Variants in PCDHA1 observed in about 807,000 individuals in gnomAD.
The protein encoded by PCDHA1 is protocadherin alpha 1.
Under a neutral mutation model 61.3 loss-of-function variants are expected in PCDHA1, and 42 were observed. The observed-to-expected ratio is 0.69, with a 90% CI of 0.54 to 0.89. The LOEUF is 0.89. Ranked by LOEUF, PCDHA1 falls within the 40% of genes least tolerant of loss-of-function variation. The pLI, the probability that PCDHA1 is intolerant of heterozygous loss-of-function variation, is 0.00. For synonymous variants in PCDHA1, 610 were observed against 553.8 expected, an observed-to-expected ratio of 1.10 and a Z score of -1.43; for missense variants, 1,256 against 1,235.3, an observed-to-expected ratio of 1.02 and a Z score of -0.25.
intron 1 of PCDHA1, chr5:140,876,072 GGA>G: frequency 1.2e-6 from 2 of 1,613,902 alleles, no homozygotes; most frequent in Non-Finnish European, 8.5e-7. Flanking sequence ...GGAAGTTATT[GGA>G]CAGAGAGCAA....
chr5:140,846,373 C>CTTTTTTTTTTTTTTTTTTT (rs374699051), intron 1 of PCDHA1, among the ~76,000 whole-genome samples: 1 of 55,152 alleles, frequency 1.8e-5, no homozygotes, highest in Admixed American at 2.3e-4. Flanking sequence ...TTCTTTCTTT[C>CTTTTTTTTTTTTTTTTTTT]TTTTTTTTTT....
At chr5:140,788,756 T>C in intron 1 of PCDHA1, 72 bp downstream of exon 1, 3 of 1,465,730 alleles carry the variant, frequency 2.0e-6, no homozygotes, top group Middle Eastern at 1.9e-4. Context: ...TTTTCAAATA[T>C]CACTTTAAAA....
chr5:140,927,637 G>A lies in PCDHA1; in HGVS notation c.2395-51312G>A, dbSNP rs1554204838. Reference sequence around the variant, plus strand: ...CAAGGTTCCAGAGACTGCACCCAATGGGACTGTGTTATTCCGAGTTCAAGC... The same window carrying A: ...CAAGGTTCCAGAGACTGCACCCAATAGGACTGTGTTATTCCGAGTTCAAGC... On this transcript the variant is annotated intron_variant, in intron 1 of 3. Coordinates refer to ENST00000504120, the MANE Select transcript of PCDHA1 (RefSeq NM_018900.4). 3.7e-6 allele frequency: 6 copies of A among 1,614,176 alleles called. 1 individual carries two copies. In the Middle Eastern group the frequency reaches 9.9e-4, roughly 266 times the overall value.
At chr5:140,906,966 G>A (rs1401949243) in intron 1 of PCDHA1, among the ~76,000 whole-genome samples, 5 of 152,120 alleles carry the variant, frequency 3.3e-5, no homozygotes, top group African/African-American at 1.2e-4. Context: ...TGGAATCGTG[G>A]TTGTGTCTTC....
chr5:140,903,840 T>C (rs2070655374), intron 1 of PCDHA1, among the ~76,000 whole-genome samples: 1 of 152,196 alleles, frequency 6.6e-6, no homozygotes, highest in African/African-American at 2.4e-5. Flanking sequence ...GGTATTTTCA[T>C]TTATCTTAAC....
At chr5:140,887,524 G>A (rs2061480235) in intron 1 of PCDHA1, among the ~76,000 whole-genome samples, 2 of 152,090 alleles carry the variant, frequency 1.3e-5, no homozygotes, top group African/African-American at 4.8e-5. Flanking sequence ...TTATATATGA[G>A]TCTTCCTCTC....
At chr5:140,852,033 A>C in intron 1 of PCDHA1, 2 of 934,104 alleles carry the variant, frequency 2.1e-6, no homozygotes, top group Non-Finnish European at 2.6e-6. Context: ...TCGCTTATTG[A>C]GTTTTTGTTA....
chr5:140,833,779 T>C (rs1330843349), intron 1 of PCDHA1, among the ~76,000 whole-genome samples: 1 of 152,042 alleles, frequency 6.6e-6, no homozygotes, highest in Non-Finnish European at 1.5e-5. Flanking sequence ...GCTTTCTAAG[T>C]TTCTCTTTCA....
rs782782656 is a variant in PCDHA1 at position 140,788,156 on chromosome 5, C to T, written c.1866C>T (p.Phe622=). Residue 622 remains phenylalanine, a synonymous_variant, in exon 1 of 4, where the codon TTC becomes TTT. Transcript: ENST00000504120. Reference sequence around the variant, plus strand: ...CAGCAGGCGGCGCGCGCATCCCGTTCCGCGTGGGGCTGTACACGGGCGAGA... The same window carrying T: ...CAGCAGGCGGCGCGCGCATCCCGTTTCGCGTGGGGCTGTACACGGGCGAGA... ...QPAAGGARIP[F]RVGLYTGEIS... The T allele has an allele frequency of 1.4e-5, 23 of 1,613,896 alleles. No individual in the cohort carries two copies. The East Asian group carries it at 3.8e-4, about 27-fold the overall frequency.
intron 1 of PCDHA1, chr5:140,862,954 T>C (rs781926222): frequency 1.5e-5 from 8 of 542,620 alleles, no homozygotes; most frequent in Non-Finnish European, 2.2e-5. Flanking sequence ...TGGTGCGGTA[T>C]TCAGTGGATG....
intron 1 of PCDHA1, among the ~76,000 whole-genome samples, chr5:140,904,268 A>G (rs989389819): frequency 1.3e-5 from 2 of 152,004 alleles, no homozygotes; most frequent in African/African-American, 4.8e-5. Context: ...CCACTTATGA[A>G]TGAGAACATG....
At chr5:141,007,299 T>C (rs550659664) in intron 3 of PCDHA1, among the ~76,000 whole-genome samples, 9 of 151,686 alleles carry the variant, frequency 5.9e-5, no homozygotes, top group African/African-American at 2.2e-4. Context: ...GCCTGTAATC[T>C]TAGCATTTTG....
intron 1 of PCDHA1, chr5:140,795,115 G>A (rs1210282107): frequency 1.9e-6 from 3 of 1,614,060 alleles, no homozygotes; most frequent in African/African-American, 2.7e-5. Context: ...CATCGCGCAG[G>A]ACCTGGGGCT....
chr5:140,820,743 G>A (rs1177782714), intron 1 of PCDHA1, among the ~76,000 whole-genome samples: 1 of 152,002 alleles, frequency 6.6e-6, no homozygotes, highest in Admixed American at 6.6e-5. Context: ...TTGTGAAATA[G>A]TATGTCATAT....
intron 1 of PCDHA1, among the ~76,000 whole-genome samples, chr5:140,855,428 G>A (rs1039152755): frequency 4.7e-5 from 7 of 149,940 alleles, no homozygotes; most frequent in African/African-American, 1.7e-4. Context: ...AAATTCTAGT[G>A]ATGACTAGAT....
In PCDHA1 at chr5:140,850,658, G is replaced by T. The variant is rs2150492440; in HGVS notation, c.2394+61974G>T. On this transcript the variant is annotated intron_variant, in intron 1 of 3. Transcript: ENST00000504120. The stretch of plus-strand genomic sequence containing the variant: ...TCACGCTGCTGCTGTACACTGTGCT[G>T]CGGTGCTCGGCGATGCCCACCGAGG... 24 of 1,598,502 alleles carry T rather than the reference G, an allele frequency of 1.5e-5. 1 individual carries two copies. Among genetic ancestry groups the T allele is most frequent in the African/African-American group, 5.4e-5 (4 of 74,388 alleles).
chr5:140,988,524 T>C (rs1338675660), intron 3 of PCDHA1, among the ~76,000 whole-genome samples: 2 of 152,212 alleles, frequency 1.3e-5, no homozygotes, highest in East Asian at 3.8e-4. Context: ...AAGTCTCTGC[T>C]GGCTCCATCC....
chr5:140,921,267 A>G (rs1371688460), intron 1 of PCDHA1, among the ~76,000 whole-genome samples: 2 of 152,168 alleles, frequency 1.3e-5, no homozygotes, highest in Non-Finnish European at 2.9e-5. Flanking sequence ...AGACTTTTAT[A>G]CTTACTTGAA....
In PCDHA1 at chr5:140,843,615, C is replaced by A. The variant is rs111750019; in HGVS notation, c.2394+54931C>A. ...AGGGTGTGCTCTGGTGAGGGGCCAC[C>A]GAAGACGGACCTCATGGCCTTCAGC... On this transcript the variant is annotated intron_variant, in intron 1 of 3. Transcript: ENST00000504120. 4.2e-5 allele frequency: 67 copies of A among 1,596,016 alleles called. 5 individuals are homozygous for A. In the African/African-American group the frequency reaches 5.8e-4, roughly 14 times the overall value.
Sources: gnomAD v4.1 joint callset for allele counts (sites outside exome capture counted in the v4.1 genomes callset) on GRCh38, gnomAD v4.1.1 for gene constraint, MANE v1.5 for transcripts, NCBI Gene and HGNC (gene_info 2026-07-23, HGNC 2026-07-21) for gene names.